Variants in GLRB observed in about 807,000 individuals in gnomAD.
GLRB encodes the protein glycine receptor subunit beta.
A neutral mutation model predicts 54.2 loss-of-function variants in GLRB; 33 were observed. The ratio of observed to expected loss-of-function variants is 0.61; its 90% CI spans 0.46 to 0.81. The LOEUF (loss-of-function observed/expected upper bound fraction) is 0.81. Among genes scored for constraint, GLRB ranks in the 40% least tolerant of loss-of-function variants. GLRB has a pLI of 0.00. For synonymous variants in GLRB, 209 were observed against 208.2 expected, an observed-to-expected ratio of 1.00 and a Z score of -0.03; for missense variants, 572 against 584.6, an observed-to-expected ratio of 0.98 and a Z score of 0.22.
At chr4:157,125,617 C>G (rs898277936) in intron 4 of GLRB, among the ~76,000 whole-genome samples, 2 of 151,618 alleles carry the variant, frequency 1.3e-5, no homozygotes, top group Non-Finnish European at 2.9e-5. Context: ...CTAGAAATCT[C>G]CCCTACAAGG....
At position 157,156,115 on chromosome 4, in the gene GLRB, G is replaced by A. The variant is rs147875624; in HGVS notation, c.1197+3105G>A. ...TTAGTTCCGTATGAGTTTTAGGATT[G>A]TTTTCTCTAATTCTGTGAAAAATGA... On this transcript the variant is annotated intron_variant, in intron 9 of 9. Transcript: ENST00000264428. Among the ~76,000 whole-genome samples, 1,497 of 152,148 alleles carry A rather than the reference G, an allele frequency of 9.8e-3. 14 individuals carry two copies. Among genetic ancestry groups the A allele is most frequent in the Non-Finnish European group, 0.017 (1,134 of 67,978 alleles).
intron 2 of GLRB, among the ~76,000 whole-genome samples, chr4:157,096,817 T>C (rs1003882679): frequency 6.6e-6 from 1 of 152,214 alleles, no homozygotes. Flanking sequence ...ACAGGTTACA[T>C]AGCAGGGGTG....
At chr4:157,076,767 T>G (rs1296680087) in intron 1 of GLRB, among the ~76,000 whole-genome samples, 1 of 151,808 alleles carries the variant, frequency 6.6e-6, no homozygotes, top group Non-Finnish European at 1.5e-5. Flanking sequence ...TACCTGCTGC[T>G]GTGGGCAAGG....
intron 2 of GLRB, among the ~76,000 whole-genome samples, chr4:157,106,245 T>G (rs928793719): frequency 2.0e-5 from 3 of 152,110 alleles, no homozygotes; most frequent in African/African-American, 7.2e-5. Context: ...TGTATGATAT[T>G]TTTTGCAGAA....
chr4:157,085,758 A>G (rs1734387973), intron 2 of GLRB, among the ~76,000 whole-genome samples: 1 of 151,668 alleles, frequency 6.6e-6, no homozygotes, highest in African/African-American at 2.4e-5. Flanking sequence ...CGGCCTCCCA[A>G]AGTGTTGGAA....
intron 9 of GLRB, among the ~76,000 whole-genome samples, chr4:157,154,728 T>G (rs1261490548): frequency 2.0e-5 from 3 of 152,102 alleles, no homozygotes; most frequent in Non-Finnish European, 4.4e-5. Flanking sequence ...CACTTGGCCC[T>G]CTTTTTCCTT....
chr4:157,142,408 C>T (rs1435559569), intron 7 of GLRB, among the ~76,000 whole-genome samples: 3 of 152,100 alleles, frequency 2.0e-5, no homozygotes, highest in African/African-American at 7.2e-5. Flanking sequence ...TCGAAAGCAA[C>T]TATTTTTGTT....
intron 2 of GLRB, among the ~76,000 whole-genome samples, chr4:157,087,827 A>C (rs1377259210): frequency 6.6e-6 from 1 of 152,026 alleles, no homozygotes; most frequent in Non-Finnish European, 1.5e-5. Context: ...TCTGTAATAC[A>C]GTAAAAAAAG....
At chr4:157,076,704 A>AT (rs1734044581) in intron 1 of GLRB, 3 of 152,572 alleles carry the variant, frequency 2.0e-5, no homozygotes, top group African/African-American at 7.2e-5. Context: ...TCGAAGCGTT[A>AT]GGGGGGCTCG....
At chr4:157,140,537 T>G (rs1403886417) in intron 7 of GLRB, among the ~76,000 whole-genome samples, 3 of 152,068 alleles carry the variant, frequency 2.0e-5, no homozygotes, top group Non-Finnish European at 2.9e-5. Flanking sequence ...CTCGCTATAC[T>G]AGGCATTGTT....
At chr4:157,102,554 A>G (rs1485488240) in intron 2 of GLRB, among the ~76,000 whole-genome samples, 1 of 152,198 alleles carries the variant, frequency 6.6e-6, no homozygotes, top group Non-Finnish European at 1.5e-5. Flanking sequence ...TTCTTCTATT[A>G]TAAACTTAAA....
chr4:157,144,674 G>A (rs1042726426), intron 8 of GLRB, among the ~76,000 whole-genome samples: 1 of 152,126 alleles, frequency 6.6e-6, no homozygotes, highest in Non-Finnish European at 1.5e-5. Flanking sequence ...GTGTGTCTGT[G>A]TGTTTTCTGA....
At chr4:157,170,368 T>C in intron 9 of GLRB, 64 bp from the exon 10 acceptor site, 3 of 930,686 alleles carry the variant, frequency 3.2e-6, no homozygotes, top group Non-Finnish European at 5.2e-6. Context: ...AAAATATCGT[T>C]TGAAGAGATG....
intron 2 of GLRB, among the ~76,000 whole-genome samples, chr4:157,100,907 G>C (rs1236286802): frequency 6.6e-6 from 1 of 152,040 alleles, no homozygotes; most frequent in Non-Finnish European, 1.5e-5. Context: ...TATGAATTTG[G>C]GGTTGAATTC....
chr4:157,170,866 G>A lies in GLRB; in HGVS notation c.*138G>A. 1.7e-6 allele frequency: 1 copy of A among 575,496 alleles called. No homozygotes were observed. Among genetic ancestry groups the A allele is most frequent in the Non-Finnish European group, 3.0e-6 (1 of 327,894 alleles). 35.6% of individuals were successfully genotyped at this position (575,496 alleles called of 1,614,324 possible). The stretch of plus-strand genomic sequence containing the variant: ...TGCCATTTGATTGTAATAAAACTGT[G>A]GCACCTTAATTTTGAATGGCAGCAT... On this transcript the variant is annotated 3_prime_UTR_variant, in exon 10 of 10. Transcript: ENST00000264428.
chr4:157,078,083 C>G lies in GLRB; in HGVS notation c.59C>G (p.Ala20Gly). The change falls in exon 2 of 10, where the codon GCC becomes GGC. Residue 20 changes from alanine to glycine, a missense_variant. Physicochemically the swap from Ala to Gly is moderately conservative, Grantham distance 60. Coordinates refer to ENST00000264428, the MANE Select transcript of GLRB (RefSeq NM_000824.5). ...LILISLWVEEAYSKEKSSKKG... is the reference protein window; with the variant it reads ...LILISLWVEEGYSKEKSSKKG... ...TTAATTTCCTTGTGGGTGGAAGAAG[C>G]CTATTCTAAGGAAAAGTCTTCAAAG... 1 of 1,608,344 alleles carries G rather than the reference C, an allele frequency of 6.2e-7. No homozygotes were observed. Among genetic ancestry groups the G allele is most frequent in the South Asian group, 1.1e-5 (1 of 90,936 alleles).
chr4:157,164,143 T>C (rs1230928342), intron 9 of GLRB, among the ~76,000 whole-genome samples: 2 of 150,832 alleles, frequency 1.3e-5, no homozygotes, highest in Non-Finnish European at 2.9e-5. Flanking sequence ...CCTTTACCAG[T>C]ATTTTTTTTT....
Position 157,136,560 on chromosome 4 carries a change from T to C in GLRB, c.389T>C (p.Val130Ala). 1 of 1,612,446 alleles carries C rather than the reference T, an allele frequency of 6.2e-7. No homozygotes were observed. Among genetic ancestry groups the C allele is most frequent in the Non-Finnish European group, 8.5e-7 (1 of 1,178,506 alleles). The change falls in exon 5 of 10, where the codon GTG becomes GCG. Residue 130 changes from valine (V) to alanine (A), a missense_variant. Physicochemically the swap from Val to Ala is moderately conservative, Grantham distance 64 (BLOSUM62 0). Transcript: ENST00000264428. ...TTTAGGGGTTCAGATGCACTGACAGTGGATCCAACAATGTACAAGTGTTTA... is the reference window on the plus strand; with the variant it reads ...TTTAGGGGTTCAGATGCACTGACAGCGGATCCAACAATGTACAAGTGTTTA... ...SDFRGSDALT[V>A]DPTMYKCLWK...
intron 2 of GLRB, among the ~76,000 whole-genome samples, chr4:157,091,575 C>A (rs1214233150): frequency 6.6e-6 from 1 of 152,212 alleles, no homozygotes; most frequent in African/African-American, 2.4e-5. Context: ...TAACACTCCT[C>A]AAAGTGTTGT....
Sources: gnomAD v4.1 joint callset for allele counts (sites outside exome capture counted in the v4.1 genomes callset) on GRCh38, gnomAD v4.1.1 for gene constraint, MANE v1.5 for transcripts, NCBI Gene and HGNC (gene_info 2026-07-23, HGNC 2026-07-21) for gene names.